The following LRP1B variants were observed in gnomAD, a reference collection of about 807,000 sequenced individuals.
LRP1B encodes low-density lipoprotein receptor-related protein 1B.
Under a neutral mutation model 556.6 loss-of-function variants are expected in LRP1B, and 217 were observed. The ratio of observed to expected loss-of-function variants is 0.39; its 90% CI spans 0.35 to 0.44. The LOEUF (loss-of-function observed/expected upper bound fraction) is 0.44, where lower values mean the gene tolerates loss of function less well. Ranked by LOEUF, LRP1B falls within the 20% of genes least tolerant of loss-of-function variation. The probability of loss-of-function intolerance (pLI) is 1.00; values close to 1 mark genes in which losing one functional copy is unlikely to be tolerated. For missense variants in LRP1B, 5,053 were observed against 5,620.8 expected (o/e 0.90, Z 3.23); for synonymous variants, 2,047 against 1,865.8 (o/e 1.10, Z -2.50).
At chr2:141,536,502 C>T (rs1685072595) in intron 2 of LRP1B, among the ~76,000 whole-genome samples, 1 of 151,982 alleles carries the variant, frequency 6.6e-6, no homozygotes, top group African/African-American at 2.4e-5. Flanking sequence ...TAATGAGACA[C>T]AGATGTTAAA....
intron 1 of LRP1B, among the ~76,000 whole-genome samples, chr2:141,926,783 G>A (rs1001267353): frequency 3.3e-5 from 5 of 152,034 alleles, no homozygotes; most frequent in South Asian, 2.1e-4. Flanking sequence ...TTGCTAAATC[G>A]ATCCTGGGGA....
chr2:141,976,211 TG>T (rs2105085615), intron 1 of LRP1B, among the ~76,000 whole-genome samples: 1 of 152,268 alleles, frequency 6.6e-6, no homozygotes, highest in East Asian at 1.9e-4. Context: ...GAATATTTTT[TG>T]ATTGTCAACT....
At chr2:141,161,678 C>T (rs1406781598) in intron 7 of LRP1B, among the ~76,000 whole-genome samples, 1 of 152,070 alleles carries the variant, frequency 6.6e-6, no homozygotes, top group Non-Finnish European at 1.5e-5. Flanking sequence ...GAGCAGAAGG[C>T]AGATTTATTG....
At chr2:141,582,859 G>A (rs113337430) in intron 2 of LRP1B, among the ~76,000 whole-genome samples, 28,701 of 109,968 alleles carry the variant, frequency 0.26, 4,126 homozygotes, top group East Asian at 0.51. Context: ...TTTTTGAGAC[G>A]GAGTTTTGCT....
intron 1 of LRP1B, among the ~76,000 whole-genome samples, chr2:142,120,740 T>A (rs1707429073): frequency 6.6e-6 from 1 of 152,192 alleles, no homozygotes; most frequent in South Asian, 2.1e-4. Context: ...CATTGCTAAG[T>A]GTATCATTTT....
At chr2:140,973,964 A>G (rs1454182225) in intron 18 of LRP1B, among the ~76,000 whole-genome samples, 3 of 152,188 alleles carry the variant, frequency 2.0e-5, no homozygotes, top group Non-Finnish European at 2.9e-5. Flanking sequence ...ATAGCAGGGC[A>G]ATTGGTAAGA....
intron 3 of LRP1B, among the ~76,000 whole-genome samples, chr2:141,469,579 T>C (rs1420745682): frequency 2.6e-5 from 4 of 152,178 alleles, no homozygotes; most frequent in Non-Finnish European, 5.9e-5. Context: ...GGGTTTACTG[T>C]ATAAGTGAAA....
At chr2:141,341,836 G>T (rs917161806) in intron 3 of LRP1B, among the ~76,000 whole-genome samples, 1 of 152,138 alleles carries the variant, frequency 6.6e-6, no homozygotes, top group Admixed American at 6.5e-5. Context: ...AGCAGGAACT[G>T]CCTGAACTGC....
At chr2:141,648,322 A>C (rs1689658996) in intron 2 of LRP1B, among the ~76,000 whole-genome samples, 1 of 152,162 alleles carries the variant, frequency 6.6e-6, no homozygotes, top group African/African-American at 2.4e-5. Flanking sequence ...AAAAAACATA[A>C]AATTATTGCC....
At chr2:141,428,261 T>C (rs1387866534) in intron 3 of LRP1B, among the ~76,000 whole-genome samples, 3 of 152,204 alleles carry the variant, frequency 2.0e-5, no homozygotes, top group African/African-American at 7.2e-5. Context: ...TCCTGCAGTA[T>C]GACTGATGCA....
intron 35 of LRP1B, among the ~76,000 whole-genome samples, chr2:140,765,423 C>G (rs1296127611): frequency 1.3e-5 from 2 of 152,092 alleles, no homozygotes; most frequent in African/African-American, 2.4e-5. Flanking sequence ...GATCACTTAA[C>G]TAAGTGGAGC....
intron 86 of LRP1B, among the ~76,000 whole-genome samples, chr2:140,264,720 G>A (rs1400702513): frequency 5.1e-5 from 4 of 77,936 alleles, no homozygotes; most frequent in Non-Finnish European, 1.1e-4. Context: ...GTGTGTGTGT[G>A]TGTGTGTGTG....
At chr2:140,900,538 A>C (rs1016990796) in intron 23 of LRP1B, among the ~76,000 whole-genome samples, 6 of 152,196 alleles carry the variant, frequency 3.9e-5, no homozygotes, top group African/African-American at 1.4e-4. Context: ...AAACTACTAC[A>C]AAAATAATCA....
intron 2 of LRP1B, among the ~76,000 whole-genome samples, chr2:141,750,161 C>A (rs373478920): frequency 6.6e-6 from 1 of 152,034 alleles, no homozygotes; most frequent in Non-Finnish European, 1.5e-5. Context: ...ATTTCCAGAG[C>A]GAAGCACCAT....
intron 32 of LRP1B, among the ~76,000 whole-genome samples, chr2:140,785,627 G>A (rs988077654): frequency 2.0e-5 from 3 of 151,954 alleles, no homozygotes; most frequent in Admixed American, 6.6e-5. Flanking sequence ...TCTCACTTAC[G>A]ACTTCGCTAA....
chr2:141,302,507 G>A (rs1686433607), intron 3 of LRP1B, among the ~76,000 whole-genome samples: 1 of 151,928 alleles, frequency 6.6e-6, no homozygotes, highest in African/African-American at 2.4e-5. Flanking sequence ...TATTGTTATT[G>A]GATAGCAGTC....
intron 3 of LRP1B, among the ~76,000 whole-genome samples, chr2:141,258,134 A>G (rs1684549629): frequency 1.3e-5 from 2 of 152,184 alleles, no homozygotes; most frequent in African/African-American, 4.8e-5. Flanking sequence ...ACATGTAAAC[A>G]CGGTGTCTGA....
chr2:140,994,107 T>A lies in LRP1B; in HGVS notation c.2532A>T (p.Ile844=), dbSNP rs147402550. Residue 844 remains isoleucine (I), a synonymous_variant, in exon 16 of 91, where the codon ATA becomes ATT. Transcript: ENST00000389484. ...TFNPGEALPH[I]CKAGEFRCKN... ...TGCAGCGAAACTCTCCAGCTTTACA[T>A]ATGTGAGGTAGTGCTTCTCCAGGAT... The A allele has an allele frequency of 6.2e-7, 1 of 1,612,542 alleles. No individual in the cohort carries two copies. Among genetic ancestry groups the A allele is most frequent in the Non-Finnish European group, 8.5e-7 (1 of 1,179,000 alleles).
chr2:140,854,895 A>G (rs1269227181), intron 27 of LRP1B, among the ~76,000 whole-genome samples: 1 of 152,216 alleles, frequency 6.6e-6, no homozygotes, highest in Non-Finnish European at 1.5e-5. Flanking sequence ...AGCCAAGCCT[A>G]TTCCATGTAT....
Sources: allele counts gnomAD v4.1 joint callset (sites outside exome capture counted in the v4.1 genomes callset), GRCh38; gene constraint gnomAD v4.1.1; transcripts MANE v1.5; gene names NCBI Gene and HGNC (gene_info 2026-07-23, HGNC 2026-07-21).